Variants in DLG2 observed in about 807,000 individuals in gnomAD.
The protein encoded by DLG2 is disks large homolog 2.
In DLG2, 45 loss-of-function variants were observed where a neutral mutation model predicts 132.5. That is an observed-to-expected ratio of 0.34 (90% CI 0.27 to 0.44). The LOEUF is 0.44. DLG2 is among the 20% of genes least tolerant of loss of function. The probability of loss-of-function intolerance (pLI) is 1.00; values close to 1 mark genes in which losing one functional copy is unlikely to be tolerated. For synonymous variants in DLG2, 424 were observed against 419.6 expected, an observed-to-expected ratio of 1.01 and a Z score of -0.13; for missense variants, 1,045 against 1,196.9, an observed-to-expected ratio of 0.87 and a Z score of 1.87.
chr11:83,535,779 C>T (rs913907282), intron 20 of DLG2, among the ~76,000 whole-genome samples: 1 of 152,100 alleles, frequency 6.6e-6, no homozygotes, highest in Non-Finnish European at 1.5e-5. Flanking sequence ...TAAGTGGCTG[C>T]TGAAGTTGCA....
chr11:84,967,159 C>T (rs1430045132), intron 6 of DLG2, among the ~76,000 whole-genome samples: 1 of 152,078 alleles, frequency 6.6e-6, no homozygotes, highest in Non-Finnish European at 1.5e-5. Flanking sequence ...AGAAGGCAAG[C>T]CATACTTTCT....
At chr11:84,029,527 G>A (rs1207138418) in intron 11 of DLG2, among the ~76,000 whole-genome samples, 1 of 152,112 alleles carries the variant, frequency 6.6e-6, no homozygotes, top group Non-Finnish European at 1.5e-5. Context: ...ATAAATCATA[G>A]AGTATTAGTT....
Position 84,598,738 on chromosome 11 carries a change from A to C in DLG2, c.358-64007T>G, listed in dbSNP as rs559586785. ...CCCAGTAAGTTTGATACCAGCCTGGAAAACACAGGGAGACCCATCTATGAA... is the reference window on the plus strand; with the variant it reads ...CCCAGTAAGTTTGATACCAGCCTGGCAAACACAGGGAGACCCATCTATGAA... On this transcript the variant is annotated intron_variant, in intron 6 of 27. Coordinates refer to ENST00000376104, the MANE Select transcript of DLG2 (RefSeq NM_001142699.3). Among the ~76,000 whole-genome samples, 113 of 151,544 alleles carry C rather than the reference A, an allele frequency of 7.5e-4. 1 individual carries two copies. The highest frequency in any genetic ancestry group is 2.4e-3 in the African/African-American group (99 of 41,254).
chr11:84,323,634 C>T (rs1054564246), intron 7 of DLG2, among the ~76,000 whole-genome samples: 3 of 151,756 alleles, frequency 2.0e-5, no homozygotes, highest in Non-Finnish European at 2.9e-5. Context: ...CCATAGCAAC[C>T]GTACCATTTT....
chr11:85,499,595 T>C (rs562824691), intron 3 of DLG2, among the ~76,000 whole-genome samples: 1 of 152,300 alleles, frequency 6.6e-6, no homozygotes, highest in Non-Finnish European at 1.5e-5. Context: ...ACTCATTTCA[T>C]GAGGCCAGCA....
At chr11:83,697,339 A>C (rs1194143937) in intron 18 of DLG2, among the ~76,000 whole-genome samples, 2 of 152,232 alleles carry the variant, frequency 1.3e-5, no homozygotes, top group Non-Finnish European at 2.9e-5. Context: ...CATTTAGGAA[A>C]GATTACTTTT....
chr11:84,548,836 A>G (rs1272747773), intron 6 of DLG2, among the ~76,000 whole-genome samples: 3 of 152,198 alleles, frequency 2.0e-5, no homozygotes, highest in Admixed American at 1.3e-4. Flanking sequence ...AATAAGCCCA[A>G]TAAAATAGAT....
chr11:84,213,582 G>A (rs1476368257), intron 8 of DLG2, among the ~76,000 whole-genome samples: 3 of 152,098 alleles, frequency 2.0e-5, no homozygotes, highest in Non-Finnish European at 2.9e-5. Flanking sequence ...CACTTTGGGA[G>A]GCCGAGGCGG....
chr11:84,377,524 A>G (rs2154432388), intron 7 of DLG2, among the ~76,000 whole-genome samples: 1 of 152,160 alleles, frequency 6.6e-6, no homozygotes, highest in South Asian at 2.1e-4. Flanking sequence ...ATCTATTTGT[A>G]TGGTTATATA....
intron 6 of DLG2, among the ~76,000 whole-genome samples, chr11:84,787,408 C>G (rs1027244576): frequency 1.6e-4 from 24 of 152,152 alleles, no homozygotes; most frequent in Admixed American, 5.9e-4. Flanking sequence ...TCCCTATGCA[C>G]AGAAGGCCTT....
At chr11:84,349,773 G>C (rs1001569379) in intron 7 of DLG2, among the ~76,000 whole-genome samples, 1 of 152,160 alleles carries the variant, frequency 6.6e-6, no homozygotes, top group Admixed American at 6.5e-5. Context: ...TTTTGGCAGA[G>C]AGGATTGTTT....
At chr11:84,257,262 C>G (rs980803952) in intron 7 of DLG2, among the ~76,000 whole-genome samples, 2 of 152,144 alleles carry the variant, frequency 1.3e-5, no homozygotes, top group Non-Finnish European at 2.9e-5. Flanking sequence ...TCTTTCCTCT[C>G]CTTCTTTTCC....
intron 4 of DLG2, among the ~76,000 whole-genome samples, chr11:85,271,453 G>T (rs968971651): frequency 1.3e-5 from 2 of 152,238 alleles, no homozygotes; most frequent in African/African-American, 4.8e-5. Context: ...CTGGGGTGCT[G>T]TCTAGTGGAG....
At chr11:84,579,674 G>C (rs1038315722) in intron 6 of DLG2, among the ~76,000 whole-genome samples, 3 of 152,190 alleles carry the variant, frequency 2.0e-5, no homozygotes, top group African/African-American at 7.2e-5. Context: ...AGTAATGAAG[G>C]TTATGATATG....
intron 8 of DLG2, among the ~76,000 whole-genome samples, chr11:84,178,790 C>A (rs1205642910): frequency 6.6e-6 from 1 of 151,810 alleles, no homozygotes; most frequent in Non-Finnish European, 1.5e-5. Flanking sequence ...TAGCTATATA[C>A]TGCAGGGGAA....
intron 7 of DLG2, among the ~76,000 whole-genome samples, chr11:84,531,647 C>A (rs867860480): frequency 3.9e-5 from 6 of 152,246 alleles, no homozygotes; most frequent in South Asian, 2.1e-4. Flanking sequence ...CTTCACAATA[C>A]CTTGGGGCCA....
rs1237806356 is a variant in DLG2 at position 84,090,328 on chromosome 11, C to T, written c.749+8595G>A. On this transcript the variant is annotated intron_variant, in intron 10 of 27. Coordinates refer to ENST00000376104, the MANE Select transcript of DLG2 (RefSeq NM_001142699.3). ...ACTCACGAGGCTGAGGCAGGAGAAT[C>T]GCTTGAACCCAGGAGGCGGAGGTTG... 6.7e-5 allele frequency among the ~76,000 whole-genome samples: 10 copies of T among 148,216 alleles called. No homozygotes were observed. The Admixed American group carries it at 6.9e-4, about 10-fold the overall frequency.
At chr11:84,036,284 A>G (rs1036927057) in intron 11 of DLG2, among the ~76,000 whole-genome samples, 2 of 152,146 alleles carry the variant, frequency 1.3e-5, no homozygotes, top group African/African-American at 2.4e-5. Flanking sequence ...TCACAGATAA[A>G]TCTTGGGAGC....
At chr11:83,829,042 A>G (rs1454403181) in intron 17 of DLG2, among the ~76,000 whole-genome samples, 3 of 152,128 alleles carry the variant, frequency 2.0e-5, no homozygotes, top group Non-Finnish European at 4.4e-5. Context: ...CAAGTCTCTT[A>G]CCTATGAAGA....
Sources: allele counts gnomAD v4.1 joint callset (sites outside exome capture counted in the v4.1 genomes callset), GRCh38; gene constraint gnomAD v4.1.1; transcripts MANE v1.5; gene names NCBI Gene and HGNC (gene_info 2026-07-23, HGNC 2026-07-21).